Variants in FAM83B observed in about 807,000 individuals in gnomAD.
FAM83B encodes scaffolding CK1 anchoring protein B.
A neutral mutation model predicts 38.8 loss-of-function variants in FAM83B; 26 were observed. The observed-to-expected ratio is 0.67, with a 90% CI of 0.49 to 0.93. The LOEUF (loss-of-function observed/expected upper bound fraction) is 0.93, where lower values mean the gene tolerates loss of function less well. Ranked by LOEUF, FAM83B falls within the 40% of genes least tolerant of loss-of-function variation. FAM83B has a pLI of 0.00. For missense variants in FAM83B, 1,237 were observed against 1,197.3 expected, an observed-to-expected ratio of 1.03 and a Z score of -0.49; for synonymous variants, 419 against 423.1, an observed-to-expected ratio of 0.99 and a Z score of 0.12.
chr6:54,907,851 G>C (rs1772808215), intron 2 of FAM83B, among the ~76,000 whole-genome samples: 1 of 152,030 alleles, frequency 6.6e-6, no homozygotes, highest in South Asian at 2.1e-4. Context: ...CTTGGGAAGA[G>C]ACCTAAGGTC....
In FAM83B at chr6:54,941,239, T is replaced by G; in HGVS notation, c.2268T>G (p.Ala756=). The G allele has an allele frequency of 6.2e-7, 1 of 1,613,416 alleles. No homozygotes were observed. The highest frequency in any genetic ancestry group is 1.1e-5 in the South Asian group (1 of 90,816). The stretch of plus-strand genomic sequence containing the variant: ...AAGAGGAATCTAACAAAGAACTTGC[T>G]TCAAAGAAGGAAGTTAAGGGTTCCC... ...VNKEESNKEL[A]SKKEVKGSPS... Residue 756 remains alanine (A), a synonymous_variant, in exon 5 of 5, where the codon GCT becomes GCG. Transcript: ENST00000306858.
intron 4 of FAM83B, among the ~76,000 whole-genome samples, chr6:54,934,725 G>GGAGT (rs1397109081): frequency 6.6e-6 from 1 of 152,110 alleles, no homozygotes; most frequent in East Asian, 1.9e-4. Flanking sequence ...GGGATAGGAA[G>GGAGT]GAGTGCTTCA....
chr6:54,847,334 G>A (rs1241926544), intron 1 of FAM83B, among the ~76,000 whole-genome samples: 2 of 152,266 alleles, frequency 1.3e-5, no homozygotes, highest in East Asian at 3.9e-4. Flanking sequence ...GTGTTCTTTA[G>A]ATCCTGAGTG....
At chr6:54,921,666 A>G (rs796405412) in intron 2 of FAM83B, among the ~76,000 whole-genome samples, 6 of 152,176 alleles carry the variant, frequency 3.9e-5, no homozygotes, top group African/African-American at 1.4e-4. Context: ...ATGAACACCA[A>G]TTAATAGAAC....
intron 2 of FAM83B, among the ~76,000 whole-genome samples, chr6:54,885,576 C>G (rs771323401): frequency 1.3e-4 from 19 of 151,876 alleles, no homozygotes; most frequent in Non-Finnish European, 2.5e-4. Context: ...TTATTTTTCT[C>G]TTTTCCAACC....
At chr6:54,939,653 T>C (rs1250044981) in intron 4 of FAM83B, 53 bp from the exon 5 acceptor site, 5 of 1,455,176 alleles carry the variant, frequency 3.4e-6, no homozygotes, top group Non-Finnish European at 2.8e-6. Flanking sequence ...AGTAGAACTA[T>C]ATGTTATTAT....
chr6:54,857,023 G>A (rs778300911), intron 1 of FAM83B, among the ~76,000 whole-genome samples: 22 of 152,048 alleles, frequency 1.4e-4, no homozygotes, highest in Admixed American at 6.6e-4. Context: ...CTTTATAAGC[G>A]TCTGAGACTG....
intron 1 of FAM83B, among the ~76,000 whole-genome samples, chr6:54,858,018 A>G (rs553683086): frequency 2.8e-4 from 43 of 152,184 alleles, no homozygotes; most frequent in Admixed American, 1.2e-3. Context: ...TCCACAAACC[A>G]ACTGGATATG....
intron 2 of FAM83B, among the ~76,000 whole-genome samples, chr6:54,907,616 A>C (rs1772802970): frequency 7.0e-6 from 1 of 143,394 alleles, no homozygotes; most frequent in East Asian, 2.0e-4. Context: ...TTCATAGAGA[A>C]TGTTTTATGA....
intron 2 of FAM83B, among the ~76,000 whole-genome samples, chr6:54,909,001 A>T (rs1043691368): frequency 2.0e-5 from 3 of 152,072 alleles, no homozygotes; most frequent in Admixed American, 6.6e-5. Context: ...TTAACCTTTT[A>T]TTGCTGATGT....
At chr6:54,904,304 T>G (rs2127582875) in intron 2 of FAM83B, among the ~76,000 whole-genome samples, 1 of 152,258 alleles carries the variant, frequency 6.6e-6, no homozygotes, top group East Asian at 1.9e-4. Context: ...AAAACAAAAC[T>G]TCTTCAAAAG....
In FAM83B at chr6:54,874,492, C is replaced by T. The variant is rs559643655; in HGVS notation, c.444+3802C>T. Among the ~76,000 whole-genome samples the T allele has an allele frequency of 9.2e-5, 14 of 152,170 alleles. 1 individual carries two copies. The South Asian group carries it at 2.7e-3, about 29-fold the overall frequency. On this transcript the variant is annotated intron_variant, in intron 2 of 4. Coordinates refer to ENST00000306858, the MANE Select transcript of FAM83B (RefSeq NM_001010872.3). ...TGATAGTGTCTAGCCAGACTTTTCC[C>T]AGGTAATTATTTGTCTGTCAAGAAG...
chr6:54,907,585 A>C (rs1772801656), intron 2 of FAM83B, among the ~76,000 whole-genome samples: 2 of 152,034 alleles, frequency 1.3e-5, no homozygotes, highest in South Asian at 4.1e-4. Context: ...GAGGAAGTAG[A>C]AGAGAGGTTT....
chr6:54,854,572 C>G (rs1048493950), intron 1 of FAM83B, among the ~76,000 whole-genome samples: 1 of 152,146 alleles, frequency 6.6e-6, no homozygotes, highest in African/African-American at 2.4e-5. Flanking sequence ...GATAACTTAT[C>G]TTTTGACTAA....
At chr6:54,878,345 C>G (rs1772046091) in intron 2 of FAM83B, among the ~76,000 whole-genome samples, 1 of 152,008 alleles carries the variant, frequency 6.6e-6, no homozygotes, top group Admixed American at 6.6e-5. Flanking sequence ...TGAAGTTTAC[C>G]TACAAATGGG....
intron 1 of FAM83B, among the ~76,000 whole-genome samples, chr6:54,854,649 ATAACT>A (rs1475118885): frequency 6.6e-6 from 1 of 152,242 alleles, no homozygotes; most frequent in African/African-American, 2.4e-5. Context: ...TAATGTAAAC[ATAACT>A]TATATATGCA....
chr6:54,905,577 G>A (rs9357821), intron 2 of FAM83B, among the ~76,000 whole-genome samples: 3,543 of 152,132 alleles, frequency 0.023, 59 homozygotes, highest in Middle Eastern at 0.065. Flanking sequence ...AACATGCTGC[G>A]CAGTAGATCT....
At chr6:54,933,994 T>C (rs1773478243) in intron 4 of FAM83B, among the ~76,000 whole-genome samples, 2 of 151,988 alleles carry the variant, frequency 1.3e-5, no homozygotes. Context: ...ACATCACAGG[T>C]TTTTCAACCT....
At chr6:54,897,648 AT>A (rs1168667202) in intron 2 of FAM83B, among the ~76,000 whole-genome samples, 1 of 152,164 alleles carries the variant, frequency 6.6e-6, no homozygotes, top group Admixed American at 6.6e-5. Context: ...TTTCTTAGTC[AT>A]TTTCTTTCTT....
Sources: gnomAD v4.1 joint callset for allele counts (sites outside exome capture counted in the v4.1 genomes callset) on GRCh38, gnomAD v4.1.1 for gene constraint, MANE v1.5 for transcripts, NCBI Gene and HGNC (gene_info 2026-07-23, HGNC 2026-07-21) for gene names.